The following RAD51B variants were observed in gnomAD, a reference collection of about 807,000 sequenced individuals.
RAD51B encodes the protein DNA repair protein RAD51 homolog 2.
In RAD51B, 38 loss-of-function variants were observed where a neutral mutation model predicts 42.2. The ratio of observed to expected loss-of-function variants is 0.90; its 90% CI spans 0.70 to 1.18. The LOEUF (loss-of-function observed/expected upper bound fraction) is 1.18, where lower values mean the gene tolerates loss of function less well. Among genes scored for constraint, RAD51B ranks in the 50% most tolerant of loss-of-function variants. RAD51B has a pLI of 0.00. For synonymous variants in RAD51B, 154 were observed against 145.2 expected, an observed-to-expected ratio of 1.06 and a Z score of -0.43; for missense variants, 373 against 400.7, an observed-to-expected ratio of 0.93 and a Z score of 0.59.
At chr14:68,268,858 A>G (rs897112077) in intron 7 of RAD51B, among the ~76,000 whole-genome samples, 2 of 152,242 alleles carry the variant, frequency 1.3e-5, no homozygotes, top group Non-Finnish European at 2.9e-5. Context: ...ATCCTGCCTT[A>G]GATGAACTGG....
chr14:67,836,141 G>A (rs2041233729), intron 4 of RAD51B, among the ~76,000 whole-genome samples: 1 of 152,172 alleles, frequency 6.6e-6, no homozygotes, highest in Admixed American at 6.5e-5. Context: ...GTTTCTTTGT[G>A]AGTGGCTTAG....
At chr14:68,003,101 CTG>C (rs2075517618) in intron 7 of RAD51B, among the ~76,000 whole-genome samples, 1 of 152,142 alleles carries the variant, frequency 6.6e-6, no homozygotes, top group African/African-American at 2.4e-5. Context: ...AGCATTGAAT[CTG>C]TAAATTGCTT....
At chr14:68,045,616 A>G (rs2076288253) in intron 7 of RAD51B, among the ~76,000 whole-genome samples, 1 of 152,206 alleles carries the variant, frequency 6.6e-6, no homozygotes, top group South Asian at 2.1e-4. Context: ...TTTAGAGAAA[A>G]GCATAAAATG....
chr14:68,631,143 T>A (rs1477782016), intron 10 of RAD51B, among the ~76,000 whole-genome samples: 1 of 152,010 alleles, frequency 6.6e-6, no homozygotes, highest in African/African-American at 2.4e-5. Flanking sequence ...TAAAAAAAAA[T>A]GAATACAATT....
rs527730600 is a variant in RAD51B, at chr14:68,549,265, G to A, written c.1037-45220G>A. Among the ~76,000 whole-genome samples the A allele has an allele frequency of 2.6e-5, 4 of 152,100 alleles. No individual in the cohort carries two copies. The South Asian group carries it at 8.3e-4, about 32-fold the overall frequency. ...CAGAATGTTCCAGGGGGAGGGATGG[G>A]GGGAGAAAAGGAGGGCACAACTCAC... On this transcript the variant is annotated intron_variant, in intron 10 of 10. Transcript: ENST00000487270.
chr14:68,508,691 C>A (rs909428049), intron 10 of RAD51B, among the ~76,000 whole-genome samples: 12 of 152,204 alleles, frequency 7.9e-5, no homozygotes, highest in Admixed American at 5.9e-4. Context: ...AAGGCAGCAG[C>A]TTCCTTGGTG....
At chr14:68,447,919 TGTG>T (rs1408988872) in intron 9 of RAD51B, among the ~76,000 whole-genome samples, 2 of 152,222 alleles carry the variant, frequency 1.3e-5, no homozygotes, top group African/African-American at 4.8e-5. Context: ...ATTTTGGAAA[TGTG>T]GTCATTTAGC....
intron 7 of RAD51B, among the ~76,000 whole-genome samples, chr14:67,928,773 C>T (rs1162879666): frequency 3.3e-5 from 5 of 150,990 alleles, no homozygotes; most frequent in Non-Finnish European, 7.4e-5. Context: ...TTGCTTCTTA[C>T]AGGAAAATTT....
At chr14:67,919,411 C>G (rs1223164455) in intron 7 of RAD51B, among the ~76,000 whole-genome samples, 1 of 152,136 alleles carries the variant, frequency 6.6e-6, no homozygotes, top group Non-Finnish European at 1.5e-5. Flanking sequence ...CCTTTCTCCC[C>G]TAAAGACAGG....
chr14:68,126,340 T>C (rs190971924), intron 7 of RAD51B, among the ~76,000 whole-genome samples: 302 of 152,266 alleles, frequency 2.0e-3, no homozygotes, highest in Middle Eastern at 0.014. Context: ...TTAGGTTTTG[T>C]GTATGCCAAA....
At chr14:68,101,556 A>G (rs1312208778) in intron 7 of RAD51B, among the ~76,000 whole-genome samples, 1 of 152,234 alleles carries the variant, frequency 6.6e-6, no homozygotes, top group Non-Finnish European at 1.5e-5. Context: ...GTCAAATCTT[A>G]AAGTTCCGAA....
intron 7 of RAD51B, among the ~76,000 whole-genome samples, chr14:68,165,247 T>G (rs1333950260): frequency 6.6e-6 from 1 of 152,228 alleles, no homozygotes; most frequent in African/African-American, 2.4e-5. Flanking sequence ...AAAATCACTT[T>G]AAAATGAAAT....
intron 7 of RAD51B, among the ~76,000 whole-genome samples, chr14:68,185,820 T>G (rs1306116110): frequency 3.9e-5 from 6 of 152,184 alleles, no homozygotes. Flanking sequence ...GCCACTGATC[T>G]GACAGGAGGT....
chr14:68,206,788 CTTT>C (rs34642019), intron 7 of RAD51B, among the ~76,000 whole-genome samples: 28 of 124,336 alleles, frequency 2.3e-4, no homozygotes, highest in African/African-American at 4.5e-4. Flanking sequence ...AACCCCAGTT[CTTT>C]TTTTTTTTTT....
intron 8 of RAD51B, among the ~76,000 whole-genome samples, chr14:68,405,629 C>T (rs535221490): frequency 6.6e-6 from 1 of 152,206 alleles, no homozygotes; most frequent in Non-Finnish European, 1.5e-5. Context: ...CTGTGGTCAT[C>T]TGTACTCATG....
intron 10 of RAD51B, among the ~76,000 whole-genome samples, chr14:68,607,688 G>A (rs894718023): frequency 6.6e-6 from 1 of 152,198 alleles, no homozygotes; most frequent in African/African-American, 2.4e-5. Context: ...CAAAGCCTTT[G>A]TGTCTTCCTC....
intron 9 of RAD51B, among the ~76,000 whole-genome samples, chr14:68,430,683 A>C (rs1363095464): frequency 6.6e-6 from 1 of 152,180 alleles, no homozygotes; most frequent in African/African-American, 2.4e-5. Flanking sequence ...ATACAATCAT[A>C]TATCATCTGC....
intron 7 of RAD51B, among the ~76,000 whole-genome samples, chr14:68,028,660 A>G (rs1449187763): frequency 1.3e-5 from 2 of 152,278 alleles, no homozygotes; most frequent in East Asian, 3.9e-4. Context: ...TGTACTCAAG[A>G]GGAGCAGAGC....
chr14:68,643,687 T>G (rs1470191331), intron 10 of RAD51B, among the ~76,000 whole-genome samples: 1 of 152,226 alleles, frequency 6.6e-6, no homozygotes, highest in African/African-American at 2.4e-5. Context: ...ATAACTCACT[T>G]AAAATAATAT....
Sources: gnomAD v4.1 joint callset for allele counts (sites outside exome capture counted in the v4.1 genomes callset) on GRCh38, gnomAD v4.1.1 for gene constraint, MANE v1.5 for transcripts, NCBI Gene and HGNC (gene_info 2026-07-23, HGNC 2026-07-21) for gene names.